MAP3K2: variants seen among roughly 807,000 people sequenced by gnomAD.
MAP3K2 encodes the protein MAP/ERK kinase kinase 2.
MAP3K2 carries 24 observed loss-of-function variants against 80.3 expected under a neutral mutation model. The observed-to-expected ratio is 0.30, with a 90% CI of 0.22 to 0.42. The LOEUF is 0.42. MAP3K2 is among the 10% of genes least tolerant of loss of function. The pLI is 1.00. For missense variants in MAP3K2, 608 were observed against 750.1 expected (o/e 0.81, Z 2.21); for synonymous variants, 244 against 253.7 (o/e 0.96, Z 0.36).
chr2:127,347,323 T>C (rs1429993183), intron 1 of MAP3K2, among the ~76,000 whole-genome samples: 1 of 152,140 alleles, frequency 6.6e-6, no homozygotes, highest in East Asian at 1.9e-4. Context: ...GACATAATCT[T>C]AGATACAGGA....
At chr2:127,369,350 A>G (rs1687022789) in intron 1 of MAP3K2, among the ~76,000 whole-genome samples, 1 of 148,510 alleles carries the variant, frequency 6.7e-6, no homozygotes, top group Non-Finnish European at 1.5e-5. Flanking sequence ...AGCAAATAAT[A>G]GGCTGGGCGC....
chr2:127,374,239 G>A (rs747581443), intron 1 of MAP3K2, among the ~76,000 whole-genome samples: 3 of 152,116 alleles, frequency 2.0e-5, no homozygotes, highest in Non-Finnish European at 4.4e-5. Context: ...CTTTGAGACG[G>A]CCTTCATTAA....
Position 127,318,287 on chromosome 2 carries a change from C to T in MAP3K2, c.1076G>A (p.Gly359Asp). The change falls in exon 13 of 17, where the codon GGC becomes GAC. Residue 359 changes from glycine to aspartate, a missense_variant. By Grantham distance (94) the Gly-to-Asp change is moderately conservative. Around this residue, in one of 4 missense-constraint regions of MAP3K2, gnomAD observed 467 missense variants for 521.9 expected, o/e 0.89. Coordinates refer to ENST00000682094, the MANE Select transcript of MAP3K2 (RefSeq NM_001371910.2). ...AAAGGCTCCTTGGCCAAGCAGTTTG[C>T]CCAATCTCCAGTTGGTCGGAGCTCG... ...SPRAPTNWRLGKLLGQGAFGR... is the reference protein window; with the variant it reads ...SPRAPTNWRLDKLLGQGAFGR... The T allele has an allele frequency of 6.2e-7, 1 of 1,602,834 alleles. No homozygotes were observed. Among genetic ancestry groups the T allele is most frequent in the Non-Finnish European group, 8.5e-7 (1 of 1,175,736 alleles).
intron 1 of MAP3K2, among the ~76,000 whole-genome samples, chr2:127,383,791 TAAA>T (rs1687293432): frequency 6.6e-6 from 1 of 151,688 alleles, no homozygotes. Context: ...ATGCTAACTC[TAAA>T]AATAGAAATA....
intron 1 of MAP3K2, among the ~76,000 whole-genome samples, chr2:127,354,048 G>A (rs1474671338): frequency 1.1e-4 from 17 of 151,990 alleles, no homozygotes; most frequent in African/African-American, 3.4e-4. Context: ...AAGGCAACAG[G>A]CTCGTTAAGA....
In MAP3K2 at chr2:127,334,305, T is replaced by C. The variant is rs182860385; in HGVS notation, c.264+1565A>G. Among the ~76,000 whole-genome samples, 252 of 152,288 alleles carry C rather than the reference T, an allele frequency of 1.7e-3. 1 individual carries two copies. The highest frequency in any genetic ancestry group is 0.01 in the Middle Eastern group (3 of 294). On this transcript the variant is annotated intron_variant, in intron 5 of 16. Transcript: ENST00000682094. ...TACTAGGCTGTAGATAAAGACAATA[T>C]TGTAGTCTTAATGTATCTTGGCATT...
At chr2:127,336,951 G>A (rs148381117) in intron 4 of MAP3K2, among the ~76,000 whole-genome samples, 1 of 152,248 alleles carries the variant, frequency 6.6e-6, no homozygotes, top group African/African-American at 2.4e-5. Flanking sequence ...GACCAGCCTG[G>A]CCAACATGGT....
intron 1 of MAP3K2, 127 bp from the exon 2 acceptor site, chr2:127,343,321 G>T: frequency 2.0e-6 from 1 of 509,640 alleles, no homozygotes; most frequent in Non-Finnish European, 3.5e-6. Flanking sequence ...TACACATTTC[G>T]CTAGGGGGAG....
intron 5 of MAP3K2, among the ~76,000 whole-genome samples, chr2:127,330,873 T>C (rs921484363): frequency 6.6e-6 from 1 of 152,202 alleles, no homozygotes; most frequent in African/African-American, 2.4e-5. Flanking sequence ...AGGTACTACT[T>C]TTCTTCTGTA....
chr2:127,376,824 G>A (rs1171822582), intron 1 of MAP3K2, among the ~76,000 whole-genome samples: 1 of 152,152 alleles, frequency 6.6e-6, no homozygotes, highest in Non-Finnish European at 1.5e-5. Flanking sequence ...CCAGCACTTT[G>A]GGAGTCTGAG....
intron 1 of MAP3K2, among the ~76,000 whole-genome samples, chr2:127,370,190 T>C (rs925786361): frequency 2.0e-5 from 3 of 152,216 alleles, no homozygotes; most frequent in Non-Finnish European, 4.4e-5. Flanking sequence ...ATTAAATCTA[T>C]ACTGAATAAA....
At chr2:127,371,662 C>T (rs1413565640) in intron 1 of MAP3K2, among the ~76,000 whole-genome samples, 2 of 152,086 alleles carry the variant, frequency 1.3e-5, no homozygotes, top group Non-Finnish European at 2.9e-5. Flanking sequence ...CTGAAACACA[C>T]AAAGCCAAAA....
chr2:127,332,902 T>C (rs955268814), intron 5 of MAP3K2, among the ~76,000 whole-genome samples: 3 of 151,980 alleles, frequency 2.0e-5, no homozygotes, highest in Non-Finnish European at 4.4e-5. Context: ...GGCTGAGGTA[T>C]GCGGGTCGCT....
intron 1 of MAP3K2, among the ~76,000 whole-genome samples, chr2:127,378,594 C>T (rs1687189425): frequency 6.6e-6 from 1 of 151,992 alleles, no homozygotes; most frequent in Non-Finnish European, 1.5e-5. Context: ...AGAGTTGATT[C>T]TATAAAAATG....
chr2:127,377,805 G>A (rs994224125), intron 1 of MAP3K2, among the ~76,000 whole-genome samples: 1 of 152,156 alleles, frequency 6.6e-6, no homozygotes, highest in African/African-American at 2.4e-5. Context: ...CCAAATGGGA[G>A]GCTAGGCTGA....
At position 127,338,959 on chromosome 2, in the gene MAP3K2, T is replaced by C. The variant is rs1240163018; in HGVS notation, c.96A>G (p.Lys32=). 1.2e-6 allele frequency: 2 copies of C among 1,610,368 alleles called. No homozygotes were observed. Among genetic ancestry groups the C allele is most frequent in the Non-Finnish European group, 1.7e-6 (2 of 1,178,442 alleles). Residue 32 remains lysine, a synonymous_variant, in exon 3 of 17, where the codon AAA becomes AAG. Coordinates refer to ENST00000682094, the MANE Select transcript of MAP3K2 (RefSeq NM_001371910.2). Reference sequence around the variant, plus strand: ...GTTTTTTTGGTGATGAAGATTTTGCTTTTCTGGTTTCCTGCAAGGATAATG... The same window carrying C: ...GTTTTTTTGGTGATGAAGATTTTGCCTTTCTGGTTTCCTGCAAGGATAATG... ...RPALSLQETR[K]AKSSSPKKQN...
chr2:127,350,454 C>CAAAAAAAAAA (rs752516255), intron 1 of MAP3K2, among the ~76,000 whole-genome samples: 44 of 99,374 alleles, frequency 4.4e-4, no homozygotes, highest in African/African-American at 5.5e-4. Flanking sequence ...AAAACAAAAA[C>CAAAAAAAAAA]AAAAAAAAAA....
intron 2 of MAP3K2, 116 bp downstream of exon 2, chr2:127,343,010 C>G: frequency 1.4e-6 from 1 of 703,996 alleles, no homozygotes; most frequent in Non-Finnish European, 2.4e-6. Context: ...CATAAATCTG[C>G]TATATCATAA....
In MAP3K2 at chr2:127,344,989, C is replaced by T. The variant is rs185244526; in HGVS notation, c.-65-1795G>A. Among the ~76,000 whole-genome samples the T allele has an allele frequency of 2.0e-5, 3 of 152,100 alleles. No homozygotes were observed. The East Asian group carries it at 5.8e-4, about 29-fold the overall frequency. On this transcript the variant is annotated intron_variant, in intron 1 of 16. Transcript: ENST00000682094. The stretch of plus-strand genomic sequence containing the variant: ...AGCAATCCTCCCACCTCAGCACCCC[C>T]GAGTAGATGGGACTACAGGTGCATG...
Sources: gnomAD v4.1 joint callset for allele counts (sites outside exome capture counted in the v4.1 genomes callset) on GRCh38, gnomAD v4.1.1 for gene constraint, gnomAD v4.1.1 regional missense constraint, MANE v1.5 for transcripts, NCBI Gene and HGNC (gene_info 2026-07-23, HGNC 2026-07-21) for gene names.